Variants in SNX29 observed in about 807,000 individuals in gnomAD.
SNX29 encodes sorting nexin 29, also known as sorting nexin-29.
Under a neutral mutation model 102.1 loss-of-function variants are expected in SNX29, and 78 were observed. The observed-to-expected ratio is 0.76, with a 90% CI of 0.64 to 0.92. SNX29 has a LOEUF of 0.92. Among genes scored for constraint, SNX29 ranks in the 40% least tolerant of loss-of-function variants. The pLI, the probability that SNX29 is intolerant of heterozygous loss-of-function variation, is 0.00. For missense variants in SNX29, 1,280 were observed against 1,061.7 expected, an observed-to-expected ratio of 1.21 and a Z score of -2.86; for synonymous variants, 580 against 414.5, an observed-to-expected ratio of 1.40 and a Z score of -4.85.
intron 13 of SNX29, among the ~76,000 whole-genome samples, chr16:12,153,276 G>A (rs542817450): frequency 1.3e-5 from 2 of 151,962 alleles, no homozygotes; most frequent in South Asian, 4.2e-4. Context: ...ATGAATGAAT[G>A]GCACATCCTT....
At chr16:12,420,850 C>T (rs1451386049) in intron 18 of SNX29, among the ~76,000 whole-genome samples, 2 of 152,178 alleles carry the variant, frequency 1.3e-5, no homozygotes, top group African/African-American at 2.4e-5. Context: ...CATGTCCGCC[C>T]TGGGGGAAGT....
intron 15 of SNX29, among the ~76,000 whole-genome samples, chr16:12,347,654 G>A (rs2081854487): frequency 6.6e-6 from 1 of 152,144 alleles, no homozygotes; most frequent in African/African-American, 2.4e-5. Context: ...CCCATAGCAG[G>A]TGCTCATTCT....
chr16:12,536,021 C>T (rs537371104), intron 20 of SNX29, among the ~76,000 whole-genome samples: 4 of 152,270 alleles, frequency 2.6e-5, no homozygotes, highest in Admixed American at 2.6e-4. Context: ...CGGAGCTATC[C>T]CGTTCCTAAT....
intron 3 of SNX29, among the ~76,000 whole-genome samples, chr16:12,004,796 A>G (rs1482200938): frequency 9.2e-5 from 14 of 152,166 alleles, no homozygotes; most frequent in Non-Finnish European, 1.8e-4. Context: ...AAAATGATGC[A>G]CCCTATTATC....
Position 12,040,243 on chromosome 16 carries a change from G to C in SNX29, c.248-2654G>C, listed in dbSNP as rs2049823255. ...AAAATTAAAAAGTTAGCTGGGCATG[G>C]GGGTGCGTGCCTGTGTCTCAGCTAC... On this transcript the variant is annotated intron_variant, in intron 4 of 20. Transcript: ENST00000566228. 2.6e-5 allele frequency among the ~76,000 whole-genome samples: 4 copies of C among 152,054 alleles called. No individual in the cohort carries two copies. In the South Asian group the frequency reaches 8.3e-4, roughly 32 times the overall value.
At chr16:11,982,368 A>AGTAT (rs1214119309) in intron 1 of SNX29, among the ~76,000 whole-genome samples, 1 of 151,228 alleles carries the variant, frequency 6.6e-6, no homozygotes, top group Non-Finnish European at 1.5e-5. Context: ...ATTATACTCA[A>AGTAT]GTTTTGTCTT....
intron 18 of SNX29, among the ~76,000 whole-genome samples, chr16:12,417,890 G>A (rs903511693): frequency 2.0e-5 from 3 of 152,104 alleles, no homozygotes; most frequent in African/African-American, 7.2e-5. Flanking sequence ...TGCCGACAGC[G>A]AGTGAGCTTT....
At chr16:12,168,406 A>G (rs12444353) in intron 13 of SNX29, among the ~76,000 whole-genome samples, 27,730 of 152,186 alleles carry the variant, frequency 0.18, 2,584 homozygotes, top group East Asian at 0.27. Flanking sequence ...CACGGGTCAC[A>G]TGGCAAGCTG....
At chr16:12,199,562 T>G in intron 13 of SNX29, 39 bp from the exon 14 acceptor site, 1 of 1,560,650 alleles carries the variant, frequency 6.4e-7, no homozygotes, top group South Asian at 1.2e-5. Flanking sequence ...CATTGTCACT[T>G]TTTAAATATA....
Position 12,409,493 on chromosome 16 carries a change from A to G in SNX29, c.2037+5964A>G, listed in dbSNP as rs976943130. Among the ~76,000 whole-genome samples, 5 of 137,216 alleles carry G rather than the reference A, an allele frequency of 3.6e-5. No homozygotes were observed. The East Asian group carries it at 1.1e-3, about 30-fold the overall frequency. 90.0% of individuals were successfully genotyped at this position (137,216 alleles called of 152,430 possible). A position where few individuals can be genotyped will look rare whatever the true frequency, so the allele number is the denominator to read the frequency against. On this transcript the variant is annotated intron_variant, in intron 18 of 20. Coordinates refer to ENST00000566228, the MANE Select transcript of SNX29 (RefSeq NM_032167.5). ...ACCCAGGCTGGAGTGAAGTGGCGCA[A>G]TCTTGGTTCACTGCAAGCTCCACCT...
intron 11 of SNX29, among the ~76,000 whole-genome samples, chr16:12,126,182 T>C (rs562267101): frequency 1.3e-5 from 2 of 152,360 alleles, no homozygotes; most frequent in East Asian, 3.8e-4. Context: ...CTACCTTATC[T>C]CCATCTTCCT....
At chr16:12,117,553 T>G (rs1465157635) in intron 11 of SNX29, among the ~76,000 whole-genome samples, 1 of 152,196 alleles carries the variant, frequency 6.6e-6, no homozygotes, top group East Asian at 1.9e-4. Context: ...TCCGTTTCTG[T>G]GAAGCATTGG....
intron 18 of SNX29, among the ~76,000 whole-genome samples, chr16:12,435,728 C>T (rs555028784): frequency 1.8e-4 from 28 of 152,336 alleles, no homozygotes; most frequent in Middle Eastern, 3.4e-3. Flanking sequence ...TAGAAGGCCC[C>T]AGCTGGAATG....
intron 13 of SNX29, among the ~76,000 whole-genome samples, chr16:12,153,070 C>A (rs982265102): frequency 3.9e-5 from 6 of 152,140 alleles, no homozygotes; most frequent in Non-Finnish European, 5.9e-5. Flanking sequence ...TCTTTTGTGC[C>A]CCAGCCTTGG....
chr16:12,482,491 A>C (rs990853685), intron 19 of SNX29, among the ~76,000 whole-genome samples: 9 of 152,072 alleles, frequency 5.9e-5, no homozygotes, highest in African/African-American at 2.2e-4. Context: ...TTGCAGAGAC[A>C]GGGTTTCACC....
intron 2 of SNX29, 113 bp from the exon 3 acceptor site, chr16:12,002,878 A>T: frequency 8.5e-7 from 1 of 1,172,086 alleles, no homozygotes; most frequent in East Asian, 2.4e-5. Flanking sequence ...TGGCATGCAG[A>T]GCTTCTGGTC....
At chr16:12,433,161 TTACATTTGTC>T (rs1272996908) in intron 18 of SNX29, among the ~76,000 whole-genome samples, 2 of 152,352 alleles carry the variant, frequency 1.3e-5, no homozygotes, top group East Asian at 3.9e-4. Flanking sequence ...CCACGAGTCA[TTACATTTGTC>T]TACATCTTGG....
intron 16 of SNX29, among the ~76,000 whole-genome samples, chr16:12,360,846 C>T (rs541079823): frequency 2.1e-4 from 32 of 152,312 alleles, no homozygotes; most frequent in African/African-American, 6.0e-4. Context: ...GATATCATCT[C>T]CATTTTACAG....
chr16:12,447,426 C>A (rs1325387627), intron 18 of SNX29, among the ~76,000 whole-genome samples: 1 of 152,058 alleles, frequency 6.6e-6, no homozygotes, highest in African/African-American at 2.4e-5. Flanking sequence ...TCCTGGATAC[C>A]CCCAAAGATT....
Sources: allele counts gnomAD v4.1 joint callset (sites outside exome capture counted in the v4.1 genomes callset), GRCh38; gene constraint gnomAD v4.1.1; transcripts MANE v1.5; gene names NCBI Gene and HGNC (gene_info 2026-07-23, HGNC 2026-07-21).